Variants in SPTLC2 observed in about 807,000 individuals in gnomAD.
The protein encoded by SPTLC2 is serine palmitoyltransferase 2.
Under a neutral mutation model 62.0 loss-of-function variants are expected in SPTLC2, and 21 were observed. The observed-to-expected ratio is 0.34, with a 90% CI of 0.24 to 0.49. The LOEUF (loss-of-function observed/expected upper bound fraction) is 0.49. Ranked by LOEUF, SPTLC2 falls within the 20% of genes least tolerant of loss-of-function variation. The probability of loss-of-function intolerance (pLI) is 0.99; values close to 1 mark genes in which losing one functional copy is unlikely to be tolerated. For synonymous variants in SPTLC2, 261 were observed against 261.8 expected, an observed-to-expected ratio of 1.00 and a Z score of 0.03; for missense variants, 511 against 713.0, an observed-to-expected ratio of 0.72 and a Z score of 3.23.
At chr14:77,534,588 T>TACACACACACACACACAAACAC (rs1555373993) in intron 9 of SPTLC2, among the ~76,000 whole-genome samples, 3 of 141,128 alleles carry the variant, frequency 2.1e-5, no homozygotes, top group Non-Finnish European at 4.6e-5. Context: ...CATATTTCAG[T>TACACACACACACACACAAACAC]ACACACACAC....
Position 77,555,426 on chromosome 14 carries a change from G to A in SPTLC2, c.1050C>T (p.Gly350=), listed in dbSNP as rs539265514. 1.8e-4 allele frequency: 283 copies of A among 1,614,142 alleles called. 1 individual carries two copies. Among genetic ancestry groups the A allele is most frequent in the Middle Eastern group, 9.9e-4 (6 of 6,062 alleles). The change falls in exon 8 of 12, where the codon GGC becomes GGT. Residue 350 remains glycine, a synonymous_variant. Coordinates refer to ENST00000216484, the MANE Select transcript of SPTLC2 (RefSeq NM_004863.4). Reference sequence around the variant, plus strand: ...CACCCCGGCCTGTGGGGCCCAGGGCGCCAATGCTGTGAGCCTCATCCAGAT... The same window carrying A: ...CACCCCGGCCTGTGGGGCCCAGGGCACCAATGCTGTGAGCCTCATCCAGAT... ...YLYLDEAHSI[G]ALGPTGRGVV...
At chr14:77,520,003 G>A (rs1313869993) in intron 10 of SPTLC2, among the ~76,000 whole-genome samples, 1 of 151,674 alleles carries the variant, frequency 6.6e-6, no homozygotes, top group African/African-American at 2.4e-5. Flanking sequence ...TATACATGCT[G>A]TATACAGAGT....
chr14:77,592,842 G>C (rs1207499498), intron 2 of SPTLC2, among the ~76,000 whole-genome samples: 1 of 152,144 alleles, frequency 6.6e-6, no homozygotes, highest in East Asian at 1.9e-4. Context: ...AGGCACGGTG[G>C]CTCACTCCTG....
At chr14:77,541,329 C>G (rs1189647098) in intron 9 of SPTLC2, among the ~76,000 whole-genome samples, 1 of 152,158 alleles carries the variant, frequency 6.6e-6, no homozygotes, top group Non-Finnish European at 1.5e-5. Flanking sequence ...TTTAAGCCAC[C>G]AGGCCCGGCC....
intron 2 of SPTLC2, among the ~76,000 whole-genome samples, chr14:77,596,413 G>A (rs1211199379): frequency 2.0e-5 from 3 of 152,054 alleles, no homozygotes; most frequent in Non-Finnish European, 2.9e-5. Context: ...TGAGGCAGAA[G>A]AATGGTGTGA....
At chr14:77,521,331 G>T in intron 10 of SPTLC2, 115 bp downstream of exon 10, 3 of 1,293,718 alleles carry the variant, frequency 2.3e-6, no homozygotes, top group Non-Finnish European at 3.4e-6. Context: ...TGTACCAAAT[G>T]AAGGTTAACA....
At chr14:77,609,664 G>C (rs896775283) in intron 1 of SPTLC2, among the ~76,000 whole-genome samples, 2 of 152,136 alleles carry the variant, frequency 1.3e-5, no homozygotes, top group African/African-American at 4.8e-5. Flanking sequence ...TTGAACCAGT[G>C]GGGTGGAGGT....
intron 5 of SPTLC2, among the ~76,000 whole-genome samples, chr14:77,568,402 C>T (rs2079658259): frequency 6.6e-6 from 1 of 152,086 alleles, no homozygotes; most frequent in Non-Finnish European, 1.5e-5. Context: ...AAATGTTTTG[C>T]TGTTGTTGAG....
chr14:77,542,456 C>G (rs1423565632), intron 9 of SPTLC2, among the ~76,000 whole-genome samples: 1 of 152,134 alleles, frequency 6.6e-6, no homozygotes, highest in Non-Finnish European at 1.5e-5. Context: ...CCCCAGAGAA[C>G]AGTCTTGTAA....
chr14:77,613,048 C>T (rs1048375862), intron 1 of SPTLC2, among the ~76,000 whole-genome samples: 3 of 140,958 alleles, frequency 2.1e-5, no homozygotes, highest in Non-Finnish European at 4.6e-5. Context: ...GAGCTGTTAA[C>T]GTGAAGTTTT....
At position 77,601,970 on chromosome 14, in the gene SPTLC2, G is replaced by A. The variant is rs141985025; in HGVS notation, c.133-4590C>T. ...GATGCCTCTCTGATTATTCACCCAC[G>A]TTCCTTTGGTGTCTGATCTCCATGG... On this transcript the variant is annotated intron_variant, in intron 1 of 11. Transcript: ENST00000216484. 5.5e-3 allele frequency among the ~76,000 whole-genome samples: 843 copies of A among 152,238 alleles called. 8 individuals carry two copies. Among genetic ancestry groups the A allele is most frequent in the African/African-American group, 0.019 (777 of 41,528 alleles).
Position 77,518,122 on chromosome 14 carries a change from C to T in SPTLC2, c.1485G>A (p.Val495=). 1.2e-6 allele frequency: 2 copies of T among 1,614,106 alleles called. No individual in the cohort carries two copies. Among genetic ancestry groups the T allele is most frequent in the Non-Finnish European group, 1.7e-6 (2 of 1,180,026 alleles). ...TAATTGGGGTGGCAGGAAATCCAAC[C>T]ACAACGACACCGATGTTCCGCTTCA... is the stretch of plus-strand genomic sequence containing the variant. ...EMLKRNIGVV[V]VGFPATPIIE... The change falls in exon 11 of 12, where the codon GTG becomes GTA. Residue 495 remains valine, a synonymous_variant. Transcript: ENST00000216484.
intron 9 of SPTLC2, among the ~76,000 whole-genome samples, chr14:77,548,967 T>A (rs983461671): frequency 2.0e-5 from 3 of 152,218 alleles, no homozygotes; most frequent in African/African-American, 7.2e-5. Context: ...GTACTTAATG[T>A]ACTCTGGAAT....
intron 11 of SPTLC2, among the ~76,000 whole-genome samples, chr14:77,517,830 A>G (rs1300642332): frequency 6.6e-6 from 1 of 151,988 alleles, no homozygotes; most frequent in Non-Finnish European, 1.5e-5. Context: ...AGAGCAAGAC[A>G]AAGCCGGAAA....
At chr14:77,514,915 G>C (rs998643114) in intron 11 of SPTLC2, among the ~76,000 whole-genome samples, 11 of 152,120 alleles carry the variant, frequency 7.2e-5, no homozygotes, top group African/African-American at 2.4e-4. Flanking sequence ...TCTTTGTTTT[G>C]GCTTCTTTCA....
Position 77,616,565 on chromosome 14 carries a change from G to C in SPTLC2, c.15C>G (p.Pro5=), listed in dbSNP as rs1239281295. 6.5e-7 allele frequency: 1 copy of C among 1,537,570 alleles called. No homozygotes were observed. The highest frequency in any genetic ancestry group is 8.7e-7 in the Non-Finnish European group (1 of 1,147,770). ...CCGTGCGGCGGCAGCAGCAGCCTCCGGGCTCCGGCCGCATCTTCCTGGCAG... is the reference window on the plus strand; with the variant it reads ...CCGTGCGGCGGCAGCAGCAGCCTCCCGGCTCCGGCCGCATCTTCCTGGCAG... MRPE[P]GGCCCRRTVR... is the part of the protein sequence containing the mutation. Residue 5 remains proline, a synonymous_variant, in exon 1 of 12, where the codon CCC becomes CCG. Coordinates refer to ENST00000216484, the MANE Select transcript of SPTLC2 (RefSeq NM_004863.4).
chr14:77,512,516 AT>A lies in SPTLC2; in HGVS notation c.1570-114del, dbSNP rs1459689287. ...GCAAGATTATCCTTCGGCAGGACTTATGTCTAGTGCATTTACAAGATCAGAC... is the reference window on the plus strand; with the variant it reads ...GCAAGATTATCCTTCGGCAGGACTTAGTCTAGTGCATTTACAAGATCAGAC... On this transcript the variant is annotated intron_variant, in intron 11 of 11. Coordinates refer to ENST00000216484, the MANE Select transcript of SPTLC2 (RefSeq NM_004863.4). 4.0e-6 allele frequency: 6 copies of A among 1,493,822 alleles called. No homozygotes were observed. The African/African-American group carries it at 6.9e-5, about 17-fold the overall frequency. The allele number at this position is 1,493,822 out of a possible 1,614,324, so 92.5% of individuals were successfully genotyped here. A position where few individuals can be genotyped will look rare whatever the true frequency, so the allele number is the denominator to read the frequency against.
intron 2 of SPTLC2, among the ~76,000 whole-genome samples, chr14:77,594,667 A>G (rs1318057935): frequency 1.3e-5 from 2 of 152,094 alleles, no homozygotes; most frequent in Admixed American, 6.6e-5. Flanking sequence ...TCAAAACACA[A>G]TTTCTCTTCT....
chr14:77,520,570 A>G (rs1274022400), intron 10 of SPTLC2, among the ~76,000 whole-genome samples: 2 of 152,246 alleles, frequency 1.3e-5, no homozygotes, highest in Non-Finnish European at 2.9e-5. Context: ...GCCTATACTA[A>G]GCAGGTCACT....
Sources: gnomAD v4.1 joint callset for allele counts (sites outside exome capture counted in the v4.1 genomes callset) on GRCh38, gnomAD v4.1.1 for gene constraint, MANE v1.5 for transcripts, NCBI Gene and HGNC (gene_info 2026-07-23, HGNC 2026-07-21) for gene names.